Variants in PLCB4 observed in about 807,000 individuals in gnomAD.
PLCB4 encodes phospholipase C beta 4, also known as 1-phosphatidylinositol 4,5-bisphosphate phosphodiesterase beta-4.
A neutral mutation model predicts 178.8 loss-of-function variants in PLCB4; 77 were observed. That is an observed-to-expected ratio of 0.43 (90% CI 0.36 to 0.52). PLCB4 has a LOEUF of 0.52. Among genes scored for constraint, PLCB4 ranks in the 20% least tolerant of loss-of-function variants. The probability of loss-of-function intolerance (pLI) is 0.00; values close to 1 mark genes in which losing one functional copy is unlikely to be tolerated. For synonymous variants in PLCB4, 496 were observed against 490.8 expected (o/e 1.01, Z -0.14); for missense variants, 1,024 against 1,453.4 (o/e 0.70, Z 4.80).
intron 2 of PLCB4, among the ~76,000 whole-genome samples, chr20:9,158,849 A>G (rs1399843494): frequency 1.3e-5 from 2 of 152,158 alleles, no homozygotes; most frequent in African/African-American, 2.4e-5. Flanking sequence ...AGAGTCAGGG[A>G]TTAAATTTTT....
intron 2 of PLCB4, among the ~76,000 whole-genome samples, chr20:9,135,235 C>T (rs187148071): frequency 2.6e-5 from 4 of 151,988 alleles, no homozygotes; most frequent in Non-Finnish European, 4.4e-5. Flanking sequence ...TTAACTTTAA[C>T]GATTATATAA....
Position 9,479,095 on chromosome 20 carries a change from C to T in PLCB4, c.*86C>T. The T allele has an allele frequency of 2.2e-6, 2 of 912,372 alleles. No homozygotes were observed. The highest frequency in any genetic ancestry group is 3.6e-6 in the Non-Finnish European group (2 of 563,204). 56.5% of individuals were successfully genotyped at this position (912,372 alleles called of 1,614,324 possible). On this transcript the variant is annotated 3_prime_UTR_variant, in exon 40 of 40. Transcript: ENST00000378473. Reference sequence around the variant, plus strand: ...GGATGAAAGCTGTTTATTTTGTTTCCTTTATGTGTAAACAAGATGATATCT... The same window carrying T: ...GGATGAAAGCTGTTTATTTTGTTTCTTTTATGTGTAAACAAGATGATATCT...
Position 9,282,604 on chromosome 20 carries a change from G to A in PLCB4, c.-15-25196G>A, listed in dbSNP as rs114474567. Among the ~76,000 whole-genome samples the A allele has an allele frequency of 2.8e-3, 433 of 152,050 alleles. 3 individuals are homozygous for A. Among genetic ancestry groups the A allele is most frequent in the African/African-American group, 0.01 (417 of 41,508 alleles). On this transcript the variant is annotated intron_variant, in intron 3 of 39. Transcript: ENST00000378473. The stretch of plus-strand genomic sequence containing the variant: ...TCACAGTGCCCACTTACTCACTAGA[G>A]CCTCACAGAGATCTGTCATCCGATT...
intron 19 of PLCB4, among the ~76,000 whole-genome samples, chr20:9,401,137 C>A (rs2038992803): frequency 6.6e-6 from 1 of 152,082 alleles, no homozygotes; most frequent in Admixed American, 6.6e-5. Context: ...ATCAAAACAC[C>A]TTTTTATGAG....
intron 12 of PLCB4, 68 bp downstream of exon 12, chr20:9,373,172 T>C (rs2036392943): frequency 1.4e-6 from 1 of 736,454 alleles, no homozygotes; most frequent in African/African-American, 1.8e-5. Context: ...GGTGTCCTCA[T>C]TGCATGCCTG....
At chr20:9,245,700 T>G (rs148506573) in intron 3 of PLCB4, among the ~76,000 whole-genome samples, 6 of 150,832 alleles carry the variant, frequency 4.0e-5, no homozygotes, top group Non-Finnish European at 5.9e-5. Flanking sequence ...TTTGTACTTT[T>G]GGTCTACAGA....
At chr20:9,335,190 T>C (rs2032278046) in intron 4 of PLCB4, among the ~76,000 whole-genome samples, 1 of 152,210 alleles carries the variant, frequency 6.6e-6, no homozygotes, top group Non-Finnish European at 1.5e-5. Flanking sequence ...CTAATTCTTA[T>C]GTCTTGATTA....
intron 2 of PLCB4, among the ~76,000 whole-genome samples, chr20:9,161,519 C>T (rs1000487212): frequency 1.3e-5 from 2 of 152,208 alleles, no homozygotes; most frequent in African/African-American, 2.4e-5. Flanking sequence ...CTGATTTTAC[C>T]ACCCAGGAGC....
intron 18 of PLCB4, among the ~76,000 whole-genome samples, chr20:9,394,752 T>A (rs2038431939): frequency 6.6e-6 from 1 of 152,136 alleles, no homozygotes; most frequent in African/African-American, 2.4e-5. Context: ...GTATATATAT[T>A]TTATATTGTG....
intron 2 of PLCB4, among the ~76,000 whole-genome samples, chr20:9,106,718 T>A (rs960740281): frequency 2.6e-5 from 4 of 152,152 alleles, no homozygotes; most frequent in Non-Finnish European, 2.9e-5. Context: ...ACTCCTTTAA[T>A]GTGCCAATGG....
At chr20:9,416,514 G>T (rs1160994910) in intron 25 of PLCB4, among the ~76,000 whole-genome samples, 1 of 152,178 alleles carries the variant, frequency 6.6e-6, no homozygotes, top group Non-Finnish European at 1.5e-5. Flanking sequence ...CACAGTCTGT[G>T]TCGGTTTTCC....
At chr20:9,379,491 A>C (rs2036954086) in intron 12 of PLCB4, among the ~76,000 whole-genome samples, 1 of 152,188 alleles carries the variant, frequency 6.6e-6, no homozygotes, top group African/African-American at 2.4e-5. Flanking sequence ...TTTTGAAAAA[A>C]ATAGTTACTC....
chr20:9,435,793 T>C (rs2041729816), intron 29 of PLCB4, 145 bp downstream of exon 29: 1 of 535,290 alleles, frequency 1.9e-6, no homozygotes, highest in African/African-American at 1.9e-5. Flanking sequence ...AATAGTTAAC[T>C]TTCTACAAAA....
At chr20:9,250,247 C>G (rs534091609) in intron 3 of PLCB4, among the ~76,000 whole-genome samples, 1 of 152,314 alleles carries the variant, frequency 6.6e-6, no homozygotes, top group South Asian at 2.1e-4. Context: ...AAGTGACGGA[C>G]ACACTCTGTG....
chr20:9,225,213 A>G (rs148471350), intron 3 of PLCB4, among the ~76,000 whole-genome samples: 9 of 152,370 alleles, frequency 5.9e-5, no homozygotes, highest in Non-Finnish European at 8.8e-5. Context: ...CTTACGCTGT[A>G]TAAATATACA....
At chr20:9,199,102 A>C (rs1601087485) in intron 2 of PLCB4, among the ~76,000 whole-genome samples, 1 of 152,222 alleles carries the variant, frequency 6.6e-6, no homozygotes, top group Admixed American at 6.5e-5. Context: ...GGACTCTATT[A>C]GTAAGTGTTA....
chr20:9,308,019 A>C (rs1402435418), intron 4 of PLCB4, 121 bp downstream of exon 4: 3 of 492,226 alleles, frequency 6.1e-6, no homozygotes, highest in East Asian at 6.4e-5. Context: ...TATAGGTTGG[A>C]GTTGTTGAAA....
In PLCB4 at chr20:9,419,915, GC is replaced by G. The variant is rs780780610; in HGVS notation, c.2154+10del. The G allele has an allele frequency of 3.3e-5, 52 of 1,555,928 alleles. 1 individual carries two copies. The East Asian group carries it at 1.1e-3, about 33-fold the overall frequency. On this transcript the variant is annotated splice_region_variant and intron_variant, in intron 26 of 39. Coordinates refer to ENST00000378473, the MANE Select transcript of PLCB4 (RefSeq NM_001377142.1). ...CAGCCACTTGCTCAGTGCAGGTAAG[GC>G]CCCTGCTCATCACAAGGTAGTATAA...
intron 33 of PLCB4, among the ~76,000 whole-genome samples, chr20:9,453,881 G>A (rs1056469787): frequency 2.6e-5 from 4 of 152,138 alleles, no homozygotes; most frequent in Admixed American, 6.5e-5. Context: ...TTCCCTAAAT[G>A]TTAACATCTC....
Sources: allele counts gnomAD v4.1 joint callset (sites outside exome capture counted in the v4.1 genomes callset), GRCh38; gene constraint gnomAD v4.1.1; transcripts MANE v1.5; gene names NCBI Gene and HGNC (gene_info 2026-07-23, HGNC 2026-07-21).